Variants in PIAS1 observed in about 807,000 individuals in gnomAD.
PIAS1 encodes the protein protein inhibitor of activated STAT 1.
Under a neutral mutation model 71.3 loss-of-function variants are expected in PIAS1, and 6 were observed. That is an observed-to-expected ratio of 0.08 (90% confidence interval 0.05 to 0.17). PIAS1 has a LOEUF of 0.17. PIAS1 is among the 10% of genes least tolerant of loss of function. The pLI is 1.00. For synonymous variants in PIAS1, 303 were observed against 292.9 expected (o/e 1.03, Z -0.35); for missense variants, 555 against 793.6 (o/e 0.70, Z 3.61).
intron 1 of PIAS1, among the ~76,000 whole-genome samples, chr15:68,078,355 G>C (rs555620234): frequency 6.2e-4 from 95 of 152,100 alleles, no homozygotes; most frequent in Admixed American, 1.0e-3. Flanking sequence ...AATCCTGCGT[G>C]TTGCCATGTC....
chr15:68,088,176 GTATATATATATATA>G (rs71455574), intron 2 of PIAS1, among the ~76,000 whole-genome samples: 6 of 73,008 alleles, frequency 8.2e-5, no homozygotes, highest in East Asian at 7.2e-4. Flanking sequence ...TTATGTGTGT[GTATATATATATATA>G]TATATATATA....
chr15:68,116,930 A>G (rs558171581), intron 2 of PIAS1, among the ~76,000 whole-genome samples: 1 of 152,276 alleles, frequency 6.6e-6, no homozygotes, highest in East Asian at 1.9e-4. Flanking sequence ...GTACATATTT[A>G]TGGCGTACAA....
chr15:68,137,903 G>A (rs190552839), intron 2 of PIAS1, among the ~76,000 whole-genome samples: 5 of 152,266 alleles, frequency 3.3e-5, no homozygotes, highest in Non-Finnish European at 7.4e-5. Flanking sequence ...AGGACTTTGG[G>A]AGGCCAAGGT....
rs568182170 is a variant in PIAS1, at chr15:68,178,236, C to T, written c.1481+1582C>T. On this transcript the variant is annotated intron_variant, in intron 11 of 13. Coordinates refer to ENST00000249636, the MANE Select transcript of PIAS1 (RefSeq NM_016166.3). This position sits in a 1 kb window ranked among gnomAD's most constrained non-coding sequence, Gnocchi z 4.2. ...AGTGAGCTAAGATCGTGCCACTGCA[C>T]TCCAACCTGGGTGACAGAATGAGAC... Among the ~76,000 whole-genome samples, 12 of 152,246 alleles carry T rather than the reference C, an allele frequency of 7.9e-5. No homozygotes were observed. The highest frequency in any genetic ancestry group is 2.9e-4 in the African/African-American group (12 of 41,534).
rs1051526591 is a variant in PIAS1, at chr15:68,191,037, T to G, written c.*3202T>G. The G allele has an allele frequency of 1.3e-5, 2 of 152,548 alleles. No homozygotes were observed. The highest frequency in any genetic ancestry group is 4.8e-5 in the African/African-American group (2 of 41,470). 9.4% of individuals were successfully genotyped at this position (152,548 alleles called of 1,614,324 possible). ...TAAAACTTTCAAGATCTTCAGGACT[T>G]TTTAAAGCACATTTGAAATTATTTT... On this transcript the variant is annotated 3_prime_UTR_variant, in exon 14 of 14. Transcript: ENST00000249636.
At chr15:68,087,329 T>C (rs2092292766) in intron 2 of PIAS1, among the ~76,000 whole-genome samples, 1 of 152,242 alleles carries the variant, frequency 6.6e-6, no homozygotes, top group Admixed American at 6.5e-5. Flanking sequence ...ACTGTGTTGT[T>C]CCATCATTTG....
rs1267015100 is a variant in PIAS1, at chr15:68,178,272, A to G, written c.1481+1618A>G. Reference sequence around the variant, plus strand: ...GTGACAGAATGAGACCCCATCTCAAAAAAAAATAAGATTTCAGTCAAACAT... The same window carrying G: ...GTGACAGAATGAGACCCCATCTCAAGAAAAAATAAGATTTCAGTCAAACAT... On this transcript the variant is annotated intron_variant, in intron 11 of 13. Transcript: ENST00000249636. The surrounding 1 kb of genome is among the most constrained non-coding windows in gnomAD (Gnocchi z 4.2). 6.6e-6 allele frequency among the ~76,000 whole-genome samples: 1 copy of G among 152,242 alleles called. No individual in the cohort carries two copies. Among genetic ancestry groups the G allele is most frequent in the African/African-American group, 2.4e-5 (1 of 41,454 alleles).
intron 1 of PIAS1, among the ~76,000 whole-genome samples, chr15:68,082,111 C>T (rs1164228503): frequency 6.6e-6 from 1 of 152,144 alleles, no homozygotes; most frequent in Non-Finnish European, 1.5e-5. Context: ...TCCTGCCCAG[C>T]ACTCTGTACT....
At chr15:68,103,240 G>A (rs1307521027) in intron 2 of PIAS1, among the ~76,000 whole-genome samples, 3 of 151,412 alleles carry the variant, frequency 2.0e-5, no homozygotes, top group African/African-American at 7.3e-5. Flanking sequence ...CTTTGATTTT[G>A]ATCTTAGGGG....
chr15:68,150,276 T>G (rs1226102882), intron 6 of PIAS1, among the ~76,000 whole-genome samples: 4 of 151,852 alleles, frequency 2.6e-5, no homozygotes, highest in Non-Finnish European at 4.4e-5. Context: ...TCTGAAACTG[T>G]AGGAGAGGAG....
rs1158069090 is a variant in PIAS1 at position 68,187,466 on chromosome 15, G to A, written c.1663-76G>A. On this transcript the variant is annotated intron_variant, in intron 13 of 13. Transcript: ENST00000249636. The surrounding 1 kb of genome is among the most constrained non-coding windows in gnomAD (Gnocchi z 5.3). ...CTCAGGCTATCTTAAATTTAGGGCT[G>A]TGTCCCGCTGAGGAGAAAATATATT... is the stretch of plus-strand genomic sequence containing the variant. 1 of 1,347,864 alleles carries A rather than the reference G, an allele frequency of 7.4e-7. No homozygotes were observed. The highest frequency in any genetic ancestry group is 1.4e-5 in the African/African-American group (1 of 69,464). 83.5% of individuals were successfully genotyped at this position (1,347,864 alleles called of 1,614,324 possible). A position where few individuals can be genotyped will look rare whatever the true frequency, so the allele number is the denominator to read the frequency against.
chr15:68,155,257 C>G (rs912532356), intron 7 of PIAS1, among the ~76,000 whole-genome samples: 6 of 151,908 alleles, frequency 3.9e-5, no homozygotes, highest in Non-Finnish European at 8.8e-5. Flanking sequence ...AATTCAAAAG[C>G]TATTTCTAGT....
chr15:68,073,315 C>T (rs991717206), intron 1 of PIAS1, among the ~76,000 whole-genome samples: 3 of 152,128 alleles, frequency 2.0e-5, no homozygotes, highest in African/African-American at 4.8e-5. Context: ...CCGTGCCCGG[C>T]GAGGTTATAT....
At chr15:68,156,249 T>C (rs1427380297) in intron 7 of PIAS1, among the ~76,000 whole-genome samples, 1 of 152,178 alleles carries the variant, frequency 6.6e-6, no homozygotes, top group Non-Finnish European at 1.5e-5. Context: ...ACATGTGCCT[T>C]GAAGAAGATA....
In PIAS1 at chr15:68,181,201, CCTT is replaced by C. The variant is rs2093051664; in HGVS notation, c.1482-6_1482-4del. ...GCTAATGAAAACTATGCCAATCTTT[CCTT>C]CTTCCAGCATTTTAAGTCTTCCACA... On this transcript the variant is annotated splice_region_variant and splice_polypyrimidine_tract_variant and intron_variant, in intron 11 of 13. Transcript: ENST00000249636. The C allele has an allele frequency of 1.9e-6, 3 of 1,611,624 alleles. No individual in the cohort carries two copies. Among genetic ancestry groups the C allele is most frequent in the Admixed American group, 3.3e-5 (2 of 59,740 alleles).
At position 68,061,706 on chromosome 15, in the gene PIAS1, C is replaced by A. The variant is rs1376725157; in HGVS notation, c.24+7356C>A. ...CGCTTTGGTTGCCGGGTTAATTTCACCAAAACACTCCTTTCATTCTGTCAC... is the reference window on the plus strand; with the variant it reads ...CGCTTTGGTTGCCGGGTTAATTTCAACAAAACACTCCTTTCATTCTGTCAC... On this transcript the variant is annotated intron_variant, in intron 1 of 13. Coordinates refer to ENST00000249636, the MANE Select transcript of PIAS1 (RefSeq NM_016166.3). 4.6e-5 allele frequency among the ~76,000 whole-genome samples: 7 copies of A among 152,182 alleles called. No individual in the cohort carries two copies. In the East Asian group the frequency reaches 1.3e-3, roughly 29 times the overall value.
At chr15:68,181,420 T>G in intron 12 of PIAS1, 66 bp downstream of exon 12, 3 of 1,484,034 alleles carry the variant, frequency 2.0e-6, no homozygotes, top group Non-Finnish European at 1.9e-6. Flanking sequence ...TATAATTCTC[T>G]TCTAGGTGAA....
At chr15:68,106,759 G>A (rs1326432838) in intron 2 of PIAS1, among the ~76,000 whole-genome samples, 1 of 152,204 alleles carries the variant, frequency 6.6e-6, no homozygotes, top group Non-Finnish European at 1.5e-5. Context: ...AGTGAAGGGG[G>A]ATTAGGCTCT....
Position 68,055,272 on chromosome 15 carries a change from T to C in PIAS1, c.24+922T>C, listed in dbSNP as rs565738847. On this transcript the variant is annotated intron_variant, in intron 1 of 13. Coordinates refer to ENST00000249636, the MANE Select transcript of PIAS1 (RefSeq NM_016166.3). The stretch of plus-strand genomic sequence containing the variant: ...TTATATCCCCCCATTGCCTTTTGTT[T>C]GTAGGGACATCTTGCTGGCCATGTT... 10 of 900,550 alleles carry C rather than the reference T, an allele frequency of 1.1e-5. No homozygotes were observed. The African/African-American group carries it at 1.8e-4, about 16-fold the overall frequency. The allele number at this position is 900,550 out of a possible 1,614,324, so 55.8% of individuals were successfully genotyped here. A position where few individuals can be genotyped will look rare whatever the true frequency, so the allele number is the denominator to read the frequency against.
Sources: allele counts gnomAD v4.1 joint callset (sites outside exome capture counted in the v4.1 genomes callset), GRCh38; gene constraint gnomAD v4.1.1; non-coding constraint Gnocchi (gnomAD v3.1); transcripts MANE v1.5; gene names NCBI Gene and HGNC (gene_info 2026-07-23, HGNC 2026-07-21).